Variants in PTGIS observed in about 807,000 individuals in gnomAD.
The protein encoded by PTGIS is prostacyclin synthase.
Under a neutral mutation model 50.3 loss-of-function variants are expected in PTGIS, and 45 were observed. The ratio of observed to expected loss-of-function variants is 0.90; its 90% CI spans 0.70 to 1.15. PTGIS has a LOEUF of 1.15. PTGIS is among the 50% of genes most tolerant of loss of function. The pLI, the probability that PTGIS is intolerant of heterozygous loss-of-function variation, is 0.00. For missense variants in PTGIS, 668 were observed against 661.3 expected (o/e 1.01, Z -0.11); for synonymous variants, 260 against 267.7 (o/e 0.97, Z 0.28).
chr20:49,525,520 G>GT (rs1981771003), intron 5 of PTGIS, among the ~76,000 whole-genome samples: 1 of 151,896 alleles, frequency 6.6e-6, no homozygotes, highest in African/African-American at 2.4e-5. Context: ...GGGCAGACTG[G>GT]TAAGGGGATA....
At chr20:49,564,588 A>C (rs537854814) in intron 1 of PTGIS, among the ~76,000 whole-genome samples, 1 of 152,286 alleles carries the variant, frequency 6.6e-6, no homozygotes, top group African/African-American at 2.4e-5. Flanking sequence ...AATGACTGTC[A>C]AATCAAGGTA....
In PTGIS at chr20:49,539,670, T is replaced by A; in HGVS notation, c.573A>T (p.Glu191Asp). 1 of 1,613,824 alleles carries A rather than the reference T, an allele frequency of 6.2e-7. No homozygotes were observed. The change falls in exon 5 of 10, where the codon GAA becomes GAT. Residue 191 changes from glutamate to aspartate, a missense_variant. Physicochemically the swap from Glu to Asp is conservative, Grantham distance 45. Coordinates refer to ENST00000244043, the MANE Select transcript of PTGIS (RefSeq NM_000961.4). ...AGTGGACGCGGTCCTGGGCCTGGCT[T>A]TCATGGGTGCGTGGCAGCGCCTCAA... Reference protein sequence around the residue: ...YGIEALPRTHESQAQDRVHSA... With the variant: ...YGIEALPRTHDSQAQDRVHSA...
At position 49,535,366 on chromosome 20, in the gene PTGIS, T is replaced by G. The variant is rs114319219; in HGVS notation, c.673+4204A>C. On this transcript the variant is annotated intron_variant, in intron 5 of 9. Coordinates refer to ENST00000244043, the MANE Select transcript of PTGIS (RefSeq NM_000961.4). ...CTTCTAAGAAGTGGGCAGAGAGAAA[T>G]GAAATAACCAGATGGTAGAACAGAT... is the stretch of plus-strand genomic sequence containing the variant. Among the ~76,000 whole-genome samples, 1,188 of 151,624 alleles carry G rather than the reference T, an allele frequency of 7.8e-3. 12 individuals are homozygous for G. Among genetic ancestry groups the G allele is most frequent in the African/African-American group, 0.027 (1,132 of 41,288 alleles).
chr20:49,530,448 A>T (rs1981908367), intron 5 of PTGIS, among the ~76,000 whole-genome samples: 3 of 152,158 alleles, frequency 2.0e-5, no homozygotes. Context: ...TACCTAGAAG[A>T]GGGATTGCTG....
rs565007793 is a variant in PTGIS at position 49,568,043 on chromosome 20, C to G, written c.74G>C (p.Arg25Pro). The part of the protein sequence containing the change: ...LLLLLSRRRT[R>P]RPGEPPLDLG... ...GGGCCGAGCGGAGCAGGACACTCAC[C>G]GCGTGCGGCGGCGGCTCAGTAGCAG... Residue 25 changes from arginine to proline, a missense_variant and splice_region_variant, in exon 1 of 10, where the codon CGG (arginine) becomes CCG (proline). Physicochemically the swap from Arg to Pro is moderately radical, Grantham distance 103 (BLOSUM62 -2). Coordinates refer to ENST00000244043, the MANE Select transcript of PTGIS (RefSeq NM_000961.4). 1 of 1,484,372 alleles carries G rather than the reference C, an allele frequency of 6.7e-7. No homozygotes were observed. Among genetic ancestry groups the G allele is most frequent in the Admixed American group, 2.3e-5 (1 of 44,404 alleles). 92.0% of individuals were successfully genotyped at this position (1,484,372 alleles called of 1,614,324 possible). A position where few individuals can be genotyped will look rare whatever the true frequency, so the allele number is the denominator to read the frequency against.
intron 1 of PTGIS, among the ~76,000 whole-genome samples, chr20:49,551,785 T>G (rs1601200951): frequency 6.8e-6 from 1 of 147,366 alleles, no homozygotes; most frequent in Non-Finnish European, 1.5e-5. Flanking sequence ...TGTGTATGTG[T>G]GTGTATGCAT....
chr20:49,529,101 A>C (rs1346044882), intron 5 of PTGIS, among the ~76,000 whole-genome samples: 1 of 152,210 alleles, frequency 6.6e-6, no homozygotes, highest in Non-Finnish European at 1.5e-5. Flanking sequence ...CATATCCATC[A>C]CCTTACATAG....
chr20:49,555,454 T>C (rs1462865039), intron 1 of PTGIS, among the ~76,000 whole-genome samples: 1 of 152,234 alleles, frequency 6.6e-6, no homozygotes, highest in Admixed American at 6.5e-5. Context: ...TTTGACCTCA[T>C]TAATTTTTTG....
intron 5 of PTGIS, among the ~76,000 whole-genome samples, chr20:49,533,071 A>G (rs572177184): frequency 6.6e-6 from 1 of 152,246 alleles, no homozygotes; most frequent in Non-Finnish European, 1.5e-5. Flanking sequence ...TCCCCATGCT[A>G]TGTAGCCTCG....
chr20:49,524,068 C>T lies in PTGIS; in HGVS notation c.845G>A (p.Trp282Ter). 1 of 1,614,232 alleles carries T rather than the reference C, an allele frequency of 6.2e-7. No individual in the cohort carries two copies. Among genetic ancestry groups the T allele is most frequent in the Non-Finnish European group, 8.5e-7 (1 of 1,180,042 alleles). Residue 282 changes from tryptophan (W) to a stop codon, truncating the protein, a stop_gained, in exon 6 of 10, where the codon TGG (tryptophan) becomes TAG (stop). Transcript: ENST00000244043. LOFTEE classifies it high-confidence loss of function. ...MQARALVLQLWATQGNMGPAA... is the reference protein window; with the variant it reads ...MQARALVLQL Reference sequence around the variant, plus strand: ...CACATTCACACCCACCTGTGTGGCCCACAGCTGCAGCACCAGGGCCCGTGC... The same window carrying T: ...CACATTCACACCCACCTGTGTGGCCTACAGCTGCAGCACCAGGGCCCGTGC...
intron 1 of PTGIS, among the ~76,000 whole-genome samples, chr20:49,556,566 AAG>A (rs937205652): frequency 6.6e-6 from 1 of 152,244 alleles, no homozygotes; most frequent in Non-Finnish European, 1.5e-5. Context: ...TTTTAAAAAG[AAG>A]AGAGAGCTCA....
chr20:49,557,922 A>C (rs1220259656), intron 1 of PTGIS, among the ~76,000 whole-genome samples: 1 of 151,950 alleles, frequency 6.6e-6, no homozygotes, highest in Non-Finnish European at 1.5e-5. Flanking sequence ...CGCTTTAAGT[A>C]TTGAAACCCT....
intron 1 of PTGIS, among the ~76,000 whole-genome samples, chr20:49,562,182 A>G (rs1247103327): frequency 6.6e-6 from 1 of 151,928 alleles, no homozygotes; most frequent in African/African-American, 2.4e-5. Context: ...GCCCCCAGTC[A>G]CCCTAAGTGG....
intron 3 of PTGIS, among the ~76,000 whole-genome samples, chr20:49,545,734 G>A (rs1357298677): frequency 6.6e-6 from 1 of 152,124 alleles, no homozygotes; most frequent in Non-Finnish European, 1.5e-5. Flanking sequence ...AGTGAAGTGG[G>A]GTGTCCATGG....
At chr20:49,564,728 C>T (rs1380827652) in intron 1 of PTGIS, among the ~76,000 whole-genome samples, 1 of 152,056 alleles carries the variant, frequency 6.6e-6, no homozygotes, top group Non-Finnish European at 1.5e-5. Context: ...GTAGTGGTGT[C>T]TTACTGGGAT....
intron 4 of PTGIS, among the ~76,000 whole-genome samples, chr20:49,543,611 C>T (rs6019890): frequency 0.046 from 6,968 of 152,244 alleles, 523 homozygotes; most frequent in African/African-American, 0.16. Context: ...GGCCTTTGCA[C>T]CTGCTGTTTC....
intron 1 of PTGIS, among the ~76,000 whole-genome samples, chr20:49,564,545 C>T (rs928618649): frequency 2.0e-5 from 3 of 152,266 alleles, no homozygotes; most frequent in African/African-American, 7.2e-5. Context: ...GCCACCGTGC[C>T]CAGCCTATGT....
At chr20:49,549,628 G>A (rs1982453719) in intron 2 of PTGIS, among the ~76,000 whole-genome samples, 1 of 152,150 alleles carries the variant, frequency 6.6e-6, no homozygotes, top group South Asian at 2.1e-4. Flanking sequence ...GTGAATCTAT[G>A]GAAAAACTGA....
intron 1 of PTGIS, among the ~76,000 whole-genome samples, 164 bp downstream of exon 1, chr20:49,567,879 A>C (rs997773963): frequency 2.6e-5 from 4 of 151,540 alleles, no homozygotes; most frequent in Non-Finnish European, 5.9e-5. Context: ...CCCCTCACCC[A>C]CGTGCGGGGC....
Sources: gnomAD v4.1 joint callset for allele counts (sites outside exome capture counted in the v4.1 genomes callset) on GRCh38, gnomAD v4.1.1 for gene constraint, MANE v1.5 for transcripts, NCBI Gene and HGNC (gene_info 2026-07-23, HGNC 2026-07-21) for gene names.